The following ZNF732 variants were observed in gnomAD, a reference collection of about 807,000 sequenced individuals.
ZNF732 encodes the protein zinc finger protein 732.
A neutral mutation model predicts 11.5 loss-of-function variants in ZNF732; 12 were observed. The observed-to-expected ratio is 1.05, with a 90% CI of 0.67 to 1.70. The LOEUF (loss-of-function observed/expected upper bound fraction) is 1.70. ZNF732 is among the 40% of genes most tolerant of loss of function. The pLI, the probability that ZNF732 is intolerant of heterozygous loss-of-function variation, is 0.00. For missense variants in ZNF732, 702 were observed against 676.9 expected (o/e 1.04, Z -0.41); for synonymous variants, 231 against 236.5 (o/e 0.98, Z 0.21).
intron 3 of ZNF732, among the ~76,000 whole-genome samples, chr4:294,716 T>C (rs1337512967): frequency 6.6e-6 from 1 of 152,232 alleles, no homozygotes; most frequent in East Asian, 1.9e-4. Context: ...TTAGTATTAA[T>C]GTATTTCACG....
intron 3 of ZNF732, among the ~76,000 whole-genome samples, chr4:284,064 C>G (rs186540211): frequency 3.3e-3 from 501 of 152,164 alleles, no homozygotes; most frequent in African/African-American, 0.011. Context: ...GCACCCGCCA[C>G]CACGCCCGGC....
At chr4:292,422 T>C (rs1553841451) in intron 3 of ZNF732, among the ~76,000 whole-genome samples, 1 of 151,890 alleles carries the variant, frequency 6.6e-6, no homozygotes, top group Non-Finnish European at 1.5e-5. Context: ...CTGGGCATGG[T>C]GGGGCATGCC....
chr4:287,673 C>T (rs1045589127), intron 3 of ZNF732, among the ~76,000 whole-genome samples: 3 of 151,166 alleles, frequency 2.0e-5, no homozygotes, highest in African/African-American at 4.9e-5. Context: ...GATGGAGTCT[C>T]GCTCTGTCAC....
In ZNF732 at chr4:272,122, A is replaced by G. The variant is rs1396780341; in HGVS notation, c.735T>C (p.Thr245=). The change falls in exon 4 of 4, where the codon ACT becomes ACC. Residue 245 remains threonine, a synonymous_variant. Transcript: ENST00000419098. ...CTTCATATTTGTAAGATTTCTCTCC[A>G]GTATGAACTTTATGTTTAGCAAAGT... is the stretch of plus-strand genomic sequence containing the variant. ...SSNFAKHKVH[T]GEKSYKYEEC... The G allele has an allele frequency of 6.2e-7, 1 of 1,612,984 alleles. No homozygotes were observed. The highest frequency in any genetic ancestry group is 8.5e-7 in the Non-Finnish European group (1 of 1,179,404).
intron 3 of ZNF732, among the ~76,000 whole-genome samples, chr4:280,939 G>A (rs569109670): frequency 0.016 from 2,427 of 152,226 alleles, 61 homozygotes; most frequent in African/African-American, 0.055. Flanking sequence ...TCATGGTGTG[G>A]AAGGAATCCT....
intron 1 of ZNF732, among the ~76,000 whole-genome samples, chr4:297,148 A>AT (rs1456053738): frequency 1.3e-5 from 2 of 152,116 alleles, no homozygotes; most frequent in Non-Finnish European, 2.9e-5. Flanking sequence ...TGCGCCTGTA[A>AT]TCCCAGCTAC....
chr4:297,552 G>T (rs1384314133), intron 1 of ZNF732, among the ~76,000 whole-genome samples: 1 of 139,264 alleles, frequency 7.2e-6, no homozygotes, highest in Admixed American at 7.4e-5. Flanking sequence ...AAGAAACAAA[G>T]GATGTATTAA....
At chr4:286,935 G>A (rs562710329) in intron 3 of ZNF732, among the ~76,000 whole-genome samples, 74 of 152,216 alleles carry the variant, frequency 4.9e-4, no homozygotes, top group Middle Eastern at 6.8e-3. Context: ...GGCGGATCAC[G>A]GGGTCAGGAG....
intron 3 of ZNF732, among the ~76,000 whole-genome samples, chr4:273,988 G>A (rs1187630861): frequency 4.6e-5 from 7 of 151,590 alleles, no homozygotes; most frequent in East Asian, 1.9e-4. Context: ...AGCACAACAC[G>A]TCTTACCAAA....
chr4:291,495 G>T (rs1553841342), intron 3 of ZNF732, among the ~76,000 whole-genome samples: 2 of 151,878 alleles, frequency 1.3e-5, no homozygotes, highest in Non-Finnish European at 2.9e-5. Flanking sequence ...TTTAACCAAT[G>T]AAATAAAAAA....
At chr4:301,195 G>A (rs868986934) in intron 1 of ZNF732, among the ~76,000 whole-genome samples, 127 of 152,120 alleles carry the variant, frequency 8.3e-4, no homozygotes, top group Non-Finnish European at 1.5e-3. Context: ...TTAGAATGGC[G>A]ATCATTAAAA....
intron 3 of ZNF732, among the ~76,000 whole-genome samples, chr4:283,016 G>GC (rs1553840101): frequency 6.6e-6 from 1 of 152,104 alleles, no homozygotes; most frequent in Non-Finnish European, 1.5e-5. Flanking sequence ...TGGTTTGAGT[G>GC]CCCCCTCCAA....
intron 1 of ZNF732, among the ~76,000 whole-genome samples, chr4:304,564 C>T (rs1366743738): frequency 7.4e-6 from 1 of 134,956 alleles, no homozygotes; most frequent in Admixed American, 7.7e-5. Flanking sequence ...CTTCCCGCAG[C>T]TGCCCCCCCC....
At chr4:293,261 T>TAG (rs1553841646) in intron 3 of ZNF732, among the ~76,000 whole-genome samples, 1 of 145,006 alleles carries the variant, frequency 6.9e-6, no homozygotes, top group African/African-American at 2.6e-5. Context: ...TATATACACA[T>TAG]ATATATGTAT....
intron 3 of ZNF732, among the ~76,000 whole-genome samples, chr4:292,890 CAAAAAAAAAAAAAA>C (rs34118991): frequency 5.3e-4 from 42 of 79,502 alleles, no homozygotes; most frequent in Middle Eastern, 6.6e-3. Context: ...ACTAAAAACA[CAAAAAAAAAAAAAA>C]AAAAAAAAAA....
intron 1 of ZNF732, among the ~76,000 whole-genome samples, chr4:298,483 G>A (rs1302734041): frequency 6.6e-6 from 1 of 152,090 alleles, no homozygotes; most frequent in Non-Finnish European, 1.5e-5. Flanking sequence ...TTCTTTGAGG[G>A]GAGAAACAAA....
At chr4:298,754 G>C (rs1720016347) in intron 1 of ZNF732, among the ~76,000 whole-genome samples, 1 of 152,164 alleles carries the variant, frequency 6.6e-6, no homozygotes, top group Non-Finnish European at 1.5e-5. Context: ...CCCTGTCCCT[G>C]ATCAGCTAAC....
intron 3 of ZNF732, among the ~76,000 whole-genome samples, chr4:294,917 T>G (rs552770635): frequency 6.6e-6 from 1 of 152,368 alleles, no homozygotes; most frequent in East Asian, 1.9e-4. Flanking sequence ...CCTATTGTTC[T>G]GATAAAATTG....
intron 1 of ZNF732, among the ~76,000 whole-genome samples, chr4:299,391 G>GTGTATATATACACACATATA: frequency 3.3e-5 from 1 of 30,752 alleles, no homozygotes; most frequent in African/African-American, 9.7e-5. Context: ...ATACACATAT[G>GTGTATATATACACACATATA]TACACATATG....
Sources: allele counts gnomAD v4.1 joint callset (sites outside exome capture counted in the v4.1 genomes callset), GRCh38; gene constraint gnomAD v4.1.1; transcripts MANE v1.5; gene names NCBI Gene and HGNC (gene_info 2026-07-23, HGNC 2026-07-21).